AR: variants seen among roughly 807,000 people sequenced by gnomAD.
AR encodes androgen receptor, also known as dihydrotestosterone receptor.
AR carries 8 observed loss-of-function variants against 53.9 expected under a neutral mutation model. The observed-to-expected ratio is 0.15, with a 90% CI of 0.09 to 0.27. The LOEUF (loss-of-function observed/expected upper bound fraction) is 0.27, where lower values mean the gene tolerates loss of function less well. Ranked by LOEUF, AR falls within the 10% of genes least tolerant of loss-of-function variation. AR has a pLI of 1.00. For synonymous variants in AR, 359 were observed against 316.4 expected (o/e 1.13, Z -1.43); for missense variants, 639 against 742.5 (o/e 0.86, Z 1.62).
At chrX:67,671,866 A>G (rs1400834016) in intron 2 of AR, among the ~76,000 whole-genome samples, 3 of 111,649 alleles carry the variant, frequency 2.7e-5, no homozygotes, top group African/African-American at 9.8e-5. Context: ...TCCTTTCCCC[A>G]TTGTTTGTTT....
At chrX:67,549,267 G>A (rs1171831013) in intron 1 of AR, among the ~76,000 whole-genome samples, 1 of 111,719 alleles carries the variant, frequency 9.0e-6, no homozygotes, top group African/African-American at 3.3e-5. Context: ...CCATGTTTGA[G>A]CTAAAAATCT....
chrX:67,714,378 A>G (rs1224388199), intron 4 of AR, among the ~76,000 whole-genome samples: 4 of 112,120 alleles, frequency 3.6e-5, no homozygotes, highest in Non-Finnish European at 7.5e-5. Context: ...GTTTATTATT[A>G]TGAGACTTGA....
At chrX:67,616,485 G>C (rs890477441) in intron 1 of AR, among the ~76,000 whole-genome samples, 2 of 110,813 alleles carry the variant, frequency 1.8e-5, no homozygotes, top group African/African-American at 3.3e-5. Flanking sequence ...TGCTGAGAAT[G>C]ATGGTTTCCA....
rs1455320425 is a variant in AR, at chrX:67,728,768, T to C, written c.*4927T>C. ...AAGACACCTGGATTGATCAGTTAACTAAAAGTTTTCTCCCCTATTGGGTTT... is the reference window on the plus strand; with the variant it reads ...AAGACACCTGGATTGATCAGTTAACCAAAAGTTTTCTCCCCTATTGGGTTT... On this transcript the variant is annotated 3_prime_UTR_variant, in exon 8 of 8. Coordinates refer to ENST00000374690, the MANE Select transcript of AR (RefSeq NM_000044.6). The C allele has an allele frequency of 6.5e-6, 1 of 153,529 alleles. No homozygotes were observed. Among genetic ancestry groups the C allele is most frequent in the African/African-American group, 3.1e-5 (1 of 31,770 alleles). 12.7% of individuals were successfully genotyped at this position (153,529 alleles called of 1,213,427 possible).
rs770110173 is a variant in AR at position 67,680,862 on chromosome X, A to G, written c.1769-5148A>G. 34 of 307,054 alleles carry G rather than the reference A, an allele frequency of 1.1e-4. No homozygotes were observed. The highest frequency in any genetic ancestry group is 7.1e-4 in the East Asian group (7 of 9,897). 25.3% of individuals were successfully genotyped at this position (307,054 alleles called of 1,213,427 possible). Reference sequence around the variant, plus strand: ...GAGAAACAAACTTGAAAGCTGTCTCATGGCCTTTGAATCATACTTAAGTTT... The same window carrying G: ...GAGAAACAAACTTGAAAGCTGTCTCGTGGCCTTTGAATCATACTTAAGTTT... On this transcript the variant is annotated intron_variant, in intron 2 of 7. Coordinates refer to ENST00000374690, the MANE Select transcript of AR (RefSeq NM_000044.6).
rs746376526 is a variant in AR, at chrX:67,728,847, A to G, written c.*5006A>G. The stretch of plus-strand genomic sequence containing the variant: ...GGATAAAAAGAGTAGAGGACATGAT[A>G]CATTGTACTTTACTAGTTCAAGACA... On this transcript the variant is annotated 3_prime_UTR_variant, in exon 8 of 8. Transcript: ENST00000374690. 6.0e-6 allele frequency: 1 copy of G among 165,817 alleles called. No homozygotes were observed. Among genetic ancestry groups the G allele is most frequent in the Non-Finnish European group, 1.2e-5 (1 of 86,937 alleles). The allele number at this position is 165,817 out of a possible 1,213,427, so 13.7% of individuals were successfully genotyped here.
At chrX:67,716,956 A>G (rs1239063126) in intron 4 of AR, among the ~76,000 whole-genome samples, 1 of 111,790 alleles carries the variant, frequency 8.9e-6, no homozygotes, top group East Asian at 2.8e-4. Flanking sequence ...GATCTTGGAC[A>G]AGTTCCTTAA....
At chrX:67,685,355 G>T (rs1045393477) in intron 2 of AR, among the ~76,000 whole-genome samples, 17 of 111,274 alleles carry the variant, frequency 1.5e-4, no homozygotes, top group Non-Finnish European at 1.5e-4. Flanking sequence ...ACAACTCCAG[G>T]TGTTCATGAC....
intron 5 of AR, among the ~76,000 whole-genome samples, chrX:67,718,279 C>G (rs1279414747): frequency 9.0e-6 from 1 of 111,390 alleles, no homozygotes; most frequent in African/African-American, 3.3e-5. Context: ...CTCTACCGCT[C>G]TCTGGCTGTG....
chrX:67,659,566 C>T (rs1485017202), intron 2 of AR, among the ~76,000 whole-genome samples: 3 of 111,500 alleles, frequency 2.7e-5, no homozygotes, highest in South Asian at 3.7e-4. Flanking sequence ...TTTATGGCTG[C>T]GTAGTATTCC....
At chrX:67,630,684 G>T (rs1925037895) in intron 1 of AR, among the ~76,000 whole-genome samples, 2 of 109,816 alleles carry the variant, frequency 1.8e-5, no homozygotes, top group African/African-American at 6.6e-5. Context: ...CTGTCATTAT[G>T]ATTTTAGCTG....
chrX:67,722,923 A>G lies in AR; in HGVS notation c.2546A>G (p.Asn849Ser), dbSNP rs2147538038. The change falls in exon 7 of 8, where the codon AAT becomes AGT. Residue 849 changes from asparagine (N) to serine (S), a missense_variant. By Grantham distance (46) the Asn-to-Ser change is conservative. Around this residue, in one of 5 missense-constraint regions of AR, gnomAD observed 95 missense variants for 196.4 expected, o/e 0.48. Transcript: ENST00000374690. ...LDRIIACKRK[N>S]PTSCSRRFYQ... ...CGTATCATTGCATGCAAAAGAAAAAATCCCACATCCTGCTCAAGACGCTTC... is the reference window on the plus strand; with the variant it reads ...CGTATCATTGCATGCAAAAGAAAAAGTCCCACATCCTGCTCAAGACGCTTC... 8.3e-7 allele frequency: 1 copy of G among 1,211,307 alleles called. No individual in the cohort carries two copies. Among genetic ancestry groups the G allele is most frequent in the South Asian group, 1.8e-5 (1 of 56,943 alleles).
chrX:67,582,117 C>A (rs993015592), intron 1 of AR, among the ~76,000 whole-genome samples: 35 of 112,155 alleles, frequency 3.1e-4, no homozygotes, highest in Non-Finnish European at 2.1e-4. Context: ...TTTTTAGTAT[C>A]ATATCTATTT....
Position 67,545,553 on chromosome X carries a change from G to C in AR, c.407G>C (p.Gly136Ala), listed in dbSNP as rs1160482651. The C allele has an allele frequency of 5.1e-6, 6 of 1,179,261 alleles. No homozygotes were observed. Among genetic ancestry groups the C allele is most frequent in the Non-Finnish European group, 6.8e-6 (6 of 880,115 alleles). Reference protein sequence around the residue: ...HPERGCVPEPGAAVAASKGLP... With the variant: ...HPERGCVPEPAAAVAASKGLP... ...GAGAGAGGTTGCGTCCCAGAGCCTG[G>C]AGCCGCCGTGGCCGCCAGCAAGGGG... is the stretch of plus-strand genomic sequence containing the variant. The change falls in exon 1 of 8, where the codon GGA (glycine) becomes GCA (alanine). Residue 136 changes from glycine to alanine, a missense_variant. By Grantham distance (60) the Gly-to-Ala change is moderately conservative (BLOSUM62 0). Transcript: ENST00000374690.
In AR at chrX:67,577,218, G is replaced by C. The variant is rs929529488; in HGVS notation, c.1616+30456G>C. On this transcript the variant is annotated intron_variant, in intron 1 of 7. Coordinates refer to ENST00000374690, the MANE Select transcript of AR (RefSeq NM_000044.6). ...GGACATTTCATGTAAACAGAATCAT[G>C]CAATATGTCACCCTTTGTATCTGGC... Among the ~76,000 whole-genome samples the C allele has an allele frequency of 2.7e-5, 3 of 110,356 alleles. No individual in the cohort carries two copies. The Admixed American group carries it at 2.9e-4, about 11-fold the overall frequency.
intron 1 of AR, among the ~76,000 whole-genome samples, chrX:67,586,925 G>A (rs1003467426): frequency 8.9e-6 from 1 of 111,888 alleles, no homozygotes; most frequent in African/African-American, 3.3e-5. Context: ...ATCAATCTCA[G>A]TTCACTTGTT....
intron 1 of AR, among the ~76,000 whole-genome samples, chrX:67,622,571 T>C (rs185294752): frequency 1.8e-5 from 2 of 112,151 alleles, no homozygotes; most frequent in East Asian, 5.6e-4. Context: ...AGCAACCTGA[T>C]GCATAGTGAC....
At chrX:67,643,049 C>G (rs34769252) in intron 1 of AR, among the ~76,000 whole-genome samples, 1 of 111,606 alleles carries the variant, frequency 9.0e-6, no homozygotes, top group South Asian at 3.7e-4. Flanking sequence ...TTCCCTAATC[C>G]CTTGGCAAGA....
intron 2 of AR, 76 bp from the exon 3 acceptor site, chrX:67,685,934 G>C: frequency 2.5e-6 from 3 of 1,194,855 alleles, no homozygotes; most frequent in Non-Finnish European, 3.4e-6. Flanking sequence ...TATCTTTTCT[G>C]TTCTAGAAAT....
Sources: allele counts gnomAD v4.1 joint callset (sites outside exome capture counted in the v4.1 genomes callset), GRCh38; gene constraint gnomAD v4.1.1; regional missense constraint gnomAD v4.1.1; transcripts MANE v1.5; gene names NCBI Gene and HGNC (gene_info 2026-07-23, HGNC 2026-07-21).